The following MALRD1 variants were observed in gnomAD, a reference collection of about 807,000 sequenced individuals.
The protein encoded by MALRD1 is MAM and LDL-receptor class A domain-containing protein 1.
MALRD1 carries 247 observed loss-of-function variants against 242.1 expected under a neutral mutation model. The ratio of observed to expected loss-of-function variants is 1.02; its 90% CI spans 0.92 to 1.13. MALRD1 has a LOEUF of 1.13. MALRD1 is among the 50% of genes most tolerant of loss of function. MALRD1 has a pLI of 0.00. For synonymous variants in MALRD1, 995 were observed against 866.6 expected, an observed-to-expected ratio of 1.15 and a Z score of -2.60; for missense variants, 2,989 against 2,533.1, an observed-to-expected ratio of 1.18 and a Z score of -3.86.
intron 10 of MALRD1, among the ~76,000 whole-genome samples, chr10:19,145,412 A>G (rs1477094605): frequency 2.0e-5 from 3 of 152,132 alleles, no homozygotes; most frequent in Non-Finnish European, 4.4e-5. Context: ...GGCAGGCCAA[A>G]ATGAGCAGAT....
At chr10:19,495,831 A>G (rs1421956987) in intron 30 of MALRD1, among the ~76,000 whole-genome samples, 1 of 152,230 alleles carries the variant, frequency 6.6e-6, no homozygotes, top group African/African-American at 2.4e-5. Context: ...CAAGAGACCC[A>G]TCTCACACTC....
chr10:19,568,966 A>G (rs991825413), intron 33 of MALRD1, among the ~76,000 whole-genome samples: 4 of 152,280 alleles, frequency 2.6e-5, no homozygotes, highest in Admixed American at 2.0e-4. Context: ...TAATAATATG[A>G]ACAGATTATT....
chr10:19,397,944 A>T (rs1369038285), intron 28 of MALRD1, among the ~76,000 whole-genome samples: 1 of 150,796 alleles, frequency 6.6e-6, no homozygotes, highest in East Asian at 1.9e-4. Flanking sequence ...TCTCTTGGCC[A>T]TGTATATGCT....
intron 31 of MALRD1, among the ~76,000 whole-genome samples, chr10:19,514,621 A>G (rs1589181444): frequency 6.6e-6 from 1 of 152,294 alleles, no homozygotes; most frequent in East Asian, 1.9e-4. Flanking sequence ...GATAATTAAA[A>G]TATTTAAAGA....
intron 4 of MALRD1, among the ~76,000 whole-genome samples, chr10:19,094,604 C>T (rs1009105710): frequency 6.6e-5 from 10 of 152,114 alleles, no homozygotes; most frequent in South Asian, 2.1e-4. Context: ...ATTTGGCCAT[C>T]TTGGCTCCTC....
intron 27 of MALRD1, among the ~76,000 whole-genome samples, chr10:19,388,070 C>A (rs567176122): frequency 6.6e-6 from 1 of 152,142 alleles, no homozygotes; most frequent in African/African-American, 2.4e-5. Flanking sequence ...TCTTCCATGT[C>A]CCCTCTTAGA....
chr10:19,059,502 T>C (rs1834760493), intron 1 of MALRD1, among the ~76,000 whole-genome samples: 1 of 152,128 alleles, frequency 6.6e-6, no homozygotes, highest in Non-Finnish European at 1.5e-5. Flanking sequence ...TTCTCCTGCC[T>C]CAACCTCCCG....
In MALRD1 at chr10:19,719,838, T is replaced by A. The variant is rs1169548013; in HGVS notation, c.6315-10868T>A. On this transcript the variant is annotated intron_variant, in intron 38 of 39. Transcript: ENST00000454679. ...CTTTCTTCCTTTTCCTCCAGATTGT[T>A]TATTTAAAAAAAAAAAATCATCTTG... Among the ~76,000 whole-genome samples the A allele has an allele frequency of 6.0e-5, 9 of 151,126 alleles. No individual in the cohort carries two copies. The South Asian group carries it at 1.7e-3, about 28-fold the overall frequency.
intron 36 of MALRD1, among the ~76,000 whole-genome samples, chr10:19,680,051 CT>C (rs1233613012): frequency 5.9e-5 from 9 of 152,108 alleles, no homozygotes; most frequent in African/African-American, 2.2e-4. Flanking sequence ...GAGTGTTTTA[CT>C]TCCAATTATG....
In MALRD1 at chr10:19,595,266, C is replaced by T; in HGVS notation, c.5753C>T (p.Pro1918Leu). The T allele has an allele frequency of 6.4e-7, 1 of 1,550,538 alleles. No homozygotes were observed. Among genetic ancestry groups the T allele is most frequent in the East Asian group, 2.4e-5 (1 of 40,886 alleles). The change falls in exon 34 of 40, where the codon CCT becomes CTT. Residue 1918 changes from proline to leucine, a missense_variant. Transcript: ENST00000454679. ...TGTATCTACACACTCCAATGTGTCC[C>T]TCTCTCAGGGAAATGTGATGGACAT... ...FSCIYTLQCV[P>L]LSGKCDGHED...
At chr10:19,222,065 G>A (rs1240499317) in intron 18 of MALRD1, among the ~76,000 whole-genome samples, 1 of 151,940 alleles carries the variant, frequency 6.6e-6, no homozygotes, top group African/African-American at 2.4e-5. Flanking sequence ...GAAACTTGGT[G>A]TAACTTCCTT....
At chr10:19,346,401 T>A (rs569216234) in intron 24 of MALRD1, among the ~76,000 whole-genome samples, 1 of 152,286 alleles carries the variant, frequency 6.6e-6, no homozygotes, top group East Asian at 1.9e-4. Flanking sequence ...TTGCCCTCAT[T>A]TGCCTTAAAA....
chr10:19,112,621 T>G (rs933814063), intron 5 of MALRD1, among the ~76,000 whole-genome samples: 6 of 152,188 alleles, frequency 3.9e-5, no homozygotes, highest in Non-Finnish European at 7.3e-5. Context: ...TCTCAAATTT[T>G]GGGCAGGAAG....
In MALRD1 at chr10:19,117,204, T is replaced by C. The variant is rs374945843; in HGVS notation, c.695-6288T>C. On this transcript the variant is annotated intron_variant, in intron 5 of 39. Coordinates refer to ENST00000454679, the MANE Select transcript of MALRD1 (RefSeq NM_001142308.3). ...TTTAAATAGCTTTGAGCTCTGGGAT[T>C]GAATGCACTAAAATAAAAAGAGCTG... is the stretch of plus-strand genomic sequence containing the variant. Among the ~76,000 whole-genome samples, 4 of 152,102 alleles carry C rather than the reference T, an allele frequency of 2.6e-5. No homozygotes were observed. The East Asian group carries it at 7.7e-4, about 29-fold the overall frequency.
Position 19,692,423 on chromosome 10 carries a change from G to A in MALRD1, c.6218-35G>A, listed in dbSNP as rs183021174. On this transcript the variant is annotated intron_variant, in intron 37 of 39. Coordinates refer to ENST00000454679, the MANE Select transcript of MALRD1 (RefSeq NM_001142308.3). The stretch of plus-strand genomic sequence containing the variant: ...GGGGTGGTCTCTAATATATTTCACT[G>A]CATATTTATCTTTTTCTTTGGTTTA... 3.1e-3 allele frequency: 4,717 copies of A among 1,530,580 alleles called. 10 individuals carry two copies. The highest frequency in any genetic ancestry group is 3.8e-3 in the Admixed American group (193 of 50,874). The allele number at this position is 1,530,580 out of a possible 1,614,324, so 94.8% of individuals were successfully genotyped here.
chr10:19,503,782 C>A (rs1272525472), intron 31 of MALRD1, among the ~76,000 whole-genome samples: 1 of 152,204 alleles, frequency 6.6e-6, no homozygotes, highest in Non-Finnish European at 1.5e-5. Flanking sequence ...ATAAATACTT[C>A]TGTAGGTTAC....
chr10:19,311,681 A>T (rs978094128), intron 21 of MALRD1, among the ~76,000 whole-genome samples: 1 of 151,510 alleles, frequency 6.6e-6, no homozygotes, highest in African/African-American at 2.4e-5. Context: ...GGTAGAAATG[A>T]AATGCAATGA....
chr10:19,110,593 A>G (rs1836643628), intron 5 of MALRD1, among the ~76,000 whole-genome samples: 1 of 152,216 alleles, frequency 6.6e-6, no homozygotes. Flanking sequence ...AATAGAGAAT[A>G]TATGGCTAAC....
chr10:19,305,987 A>G (rs1842158374), intron 21 of MALRD1, among the ~76,000 whole-genome samples: 1 of 124,656 alleles, frequency 8.0e-6, no homozygotes, highest in South Asian at 2.2e-4. Flanking sequence ...TATATTATAT[A>G]TACTATATAT....
Sources: gnomAD v4.1 joint callset for allele counts (sites outside exome capture counted in the v4.1 genomes callset) on GRCh38, gnomAD v4.1.1 for gene constraint, MANE v1.5 for transcripts, NCBI Gene and HGNC (gene_info 2026-07-23, HGNC 2026-07-21) for gene names.